PRRC2A: variants seen among roughly 807,000 people sequenced by gnomAD.
The protein encoded by PRRC2A is protein PRRC2A.
PRRC2A carries 59 observed loss-of-function variants against 224.6 expected under a neutral mutation model. The ratio of observed to expected loss-of-function variants is 0.26; its 90% CI spans 0.21 to 0.33. The LOEUF (loss-of-function observed/expected upper bound fraction) is 0.33. Ranked by LOEUF, PRRC2A falls within the 10% of genes least tolerant of loss-of-function variation. PRRC2A has a pLI of 1.00. For synonymous variants in PRRC2A, 1,194 were observed against 1,109.5 expected, an observed-to-expected ratio of 1.08 and a Z score of -1.51; for missense variants, 3,095 against 2,880.7, an observed-to-expected ratio of 1.07 and a Z score of -1.70.
intron 18 of PRRC2A, 63 bp from the exon 19 acceptor site, chr6:31,634,173 G>A: frequency 6.4e-7 from 1 of 1,572,670 alleles, no homozygotes; most frequent in Non-Finnish European, 8.6e-7. Flanking sequence ...CTCTGTCCTG[G>A]CTTCCTATAA....
chr6:31,631,498 C>T lies in PRRC2A; in HGVS notation c.2825C>T (p.Pro942Leu). The change falls in exon 16 of 31, where the codon CCA (proline) becomes CTA (leucine). Residue 942 changes from proline to leucine, a missense_variant. By Grantham distance (98) the Pro-to-Leu change is moderately conservative. Transcript: ENST00000376033. This position sits in a 1 kb window ranked among gnomAD's most constrained non-coding sequence, Gnocchi z 4.5. Reference protein sequence around the residue: ...SSRRGIPPEEPGAPPRRAGPI... With the variant: ...SSRRGIPPEELGAPPRRAGPI... ...CGTCGTGGAATCCCTCCAGAGGAGC[C>T]AGGGGCCCCACCCCGCCGGGCTGGG... 3.1e-6 allele frequency: 5 copies of T among 1,604,994 alleles called. No individual in the cohort carries two copies. The highest frequency in any genetic ancestry group is 4.2e-6 in the Non-Finnish European group (5 of 1,177,340).
At position 31,636,606 on chromosome 6, in the gene PRRC2A, C is replaced by A; in HGVS notation, c.5932C>A (p.Gln1978Lys). The A allele has an allele frequency of 6.3e-7, 1 of 1,599,452 alleles. No individual in the cohort carries two copies. The highest frequency in any genetic ancestry group is 1.7e-5 in the Admixed American group (1 of 58,570). Residue 1978 changes from glutamine (Q) to lysine (K), a missense_variant and splice_region_variant, in exon 27 of 31, where the codon CAG becomes AAG. This residue lies in a region of PRRC2A where 662 missense variants were observed against 609.5 expected (regional missense o/e 1.09). Coordinates refer to ENST00000376033, the MANE Select transcript of PRRC2A (RefSeq NM_004638.4). This position sits in a 1 kb window ranked among gnomAD's most constrained non-coding sequence, Gnocchi z 4.3. ...TCTCCCTTCAGGGGCTCCTGCCCAG[C>A]AGGTATATTGTATCTTCACACTTCC... Reference protein sequence around the residue: ...GFLPSGAPAQQMLLPMVDSQL... With the variant: ...GFLPSGAPAQKMLLPMVDSQL...
chr6:31,627,878 G>C lies in PRRC2A; in HGVS notation c.1404G>C (p.Arg468=). 1 of 1,613,058 alleles carries C rather than the reference G, an allele frequency of 6.2e-7. No homozygotes were observed. The highest frequency in any genetic ancestry group is 2.2e-5 in the East Asian group (1 of 44,894). ...SEISLAVERA[R]RRREEEERRM... ...TTTCCCTGGCAGTGGAGCGGGCCCG[G>C]CGACGGCGAGAAGAAGAGGAGCGGC... Residue 468 remains arginine, a synonymous_variant, in exon 12 of 31, where the codon CGG becomes CGC. Transcript: ENST00000376033. The surrounding 1 kb of genome is among the most constrained non-coding windows in gnomAD (Gnocchi z 5.6).
rs774282636 is a variant in PRRC2A, at chr6:31,632,948, A to C, written c.4275A>C (p.Pro1425=). The change falls in exon 16 of 31, where the codon CCA becomes CCC. Residue 1425 remains proline, a synonymous_variant. Coordinates refer to ENST00000376033, the MANE Select transcript of PRRC2A (RefSeq NM_004638.4). The part of the protein sequence containing the change: ...GGGGPGGRTG[P]GRGDKRSWPS... Reference sequence around the variant, plus strand: ...GGGGTCCTGGAGGAAGGACCGGGCCAGGACGAGGCGACAAGAGGAGCTGGC... The same window carrying C: ...GGGGTCCTGGAGGAAGGACCGGGCCCGGACGAGGCGACAAGAGGAGCTGGC... 3 of 1,606,476 alleles carry C rather than the reference A, an allele frequency of 1.9e-6. No individual in the cohort carries two copies. The highest frequency in any genetic ancestry group is 2.6e-6 in the Non-Finnish European group (3 of 1,175,822).
Position 31,632,240 on chromosome 6 carries a change from C to G in PRRC2A, c.3567C>G (p.Ala1189=). The change falls in exon 16 of 31, where the codon GCC becomes GCG. Residue 1189 remains alanine, a synonymous_variant. Coordinates refer to ENST00000376033, the MANE Select transcript of PRRC2A (RefSeq NM_004638.4). ...TTTGCCCAGGCTGGAGCCCTCCAGCCAAGTCTCTGGCTCCCAAGAAACCTC... is the reference window on the plus strand; with the variant it reads ...TTTGCCCAGGCTGGAGCCCTCCAGCGAAGTCTCTGGCTCCCAAGAAACCTC... ...PQVCPGWSPP[A]KSLAPKKPPT... is the part of the protein sequence containing the mutation. 6.2e-7 allele frequency: 1 copy of G among 1,612,858 alleles called. No homozygotes were observed. Among genetic ancestry groups the G allele is most frequent in the Middle Eastern group, 1.7e-4 (1 of 6,058 alleles).
chr6:31,635,939 C>T (rs758316149), intron 24 of PRRC2A, 28 bp from the exon 25 acceptor site: 3 of 1,565,476 alleles, frequency 1.9e-6, no homozygotes, highest in Non-Finnish European at 2.6e-6. Flanking sequence ...GATACTAAAG[C>T]TGTTTCAACC....
intron 2 of PRRC2A, chr6:31,623,221 T>C (rs761581587): frequency 1.2e-5 from 8 of 656,938 alleles, no homozygotes; most frequent in Non-Finnish European, 2.3e-5. Flanking sequence ...AAGTATTGAA[T>C]GTTACATATC....
Position 31,627,011 on chromosome 6 carries a change from A to G in PRRC2A, c.1103A>G (p.Glu368Gly). 2 of 1,614,118 alleles carry G rather than the reference A, an allele frequency of 1.2e-6. No homozygotes were observed. Residue 368 changes from glutamate (E) to glycine (G), a missense_variant, in exon 11 of 31, where the codon GAA becomes GGA. This residue lies in a region of PRRC2A where 2,001 missense variants were observed against 1,764.9 expected (regional missense o/e 1.13). Transcript: ENST00000376033. This position sits in a 1 kb window ranked among gnomAD's most constrained non-coding sequence, Gnocchi z 5.6. ...GATTCCCAATCAGCTTCTGGTGAGG[A>G]ACGGCCCCCTGAAGCAGATGGCAAA... is the stretch of plus-strand genomic sequence containing the variant. The part of the protein sequence containing the change: ...HRDSQSASGE[E>G]RPPEADGKKG...
chr6:31,632,795 C>T lies in PRRC2A; in HGVS notation c.4122C>T (p.Ser1374=). 2 of 1,613,072 alleles carry T rather than the reference C, an allele frequency of 1.2e-6. No individual in the cohort carries two copies. Among genetic ancestry groups the T allele is most frequent in the Non-Finnish European group, 1.7e-6 (2 of 1,180,004 alleles). The change falls in exon 16 of 31, where the codon AGC becomes AGT. Residue 1374 remains serine, a synonymous_variant. Transcript: ENST00000376033. The stretch of plus-strand genomic sequence containing the variant: ...CAGCCATGTCCCGCGGAGATCTGAG[C>T]CAGAGAGCCAAGGATTTGAGTAAAC... ...GISAMSRGDL[S]QRAKDLSKRS... is the part of the protein sequence containing the mutation.
chr6:31,637,250 A>C lies in PRRC2A; in HGVS notation c.6259A>C (p.Asn2087His). Residue 2087 changes from asparagine (N) to histidine (H), a missense_variant, in exon 30 of 31, where the codon AAT (asparagine) becomes CAT (histidine). This residue lies in a region of PRRC2A where 662 missense variants were observed against 609.5 expected (regional missense o/e 1.09). Coordinates refer to ENST00000376033, the MANE Select transcript of PRRC2A (RefSeq NM_004638.4). ...PPTGRSFSGL[N>H]SRLKATPSTY... The stretch of plus-strand genomic sequence containing the variant: ...TTCCCTTAGGTCCTTCTCTGGCCTC[A>C]ATTCCCGTCTCAAGGCCACGCCTTC... The C allele has an allele frequency of 6.2e-7, 1 of 1,611,966 alleles. No individual in the cohort carries two copies. Among genetic ancestry groups the C allele is most frequent in the Non-Finnish European group, 8.5e-7 (1 of 1,179,076 alleles).
intron 1 of PRRC2A, 60 bp downstream of exon 1, chr6:31,620,918 T>TGGCGGTGGCGGCGGC (rs1775187443): frequency 6.4e-6 from 1 of 155,580 alleles, no homozygotes; most frequent in African/African-American, 2.4e-5. Flanking sequence ...GTGGTGGCGG[T>TGGCGGTGGCGGCGGC]GGCGGTGGCG....
At chr6:31,626,670 G>A in intron 9 of PRRC2A, 102 bp from the exon 10 acceptor site, 1 of 1,019,078 alleles carries the variant, frequency 9.8e-7, no homozygotes, top group Non-Finnish European at 1.5e-6. Context: ...TCGGAGGGAA[G>A]GATATTGGCA....
In PRRC2A at chr6:31,620,776, G is replaced by GCCGCCATCCTCCC. The variant is rs1270894429; in HGVS notation, c.-177_-165dup. 1 of 151,966 alleles carries GCCGCCATCCTCCC rather than the reference G, an allele frequency of 6.6e-6. No individual in the cohort carries two copies. Among genetic ancestry groups the GCCGCCATCCTCCC allele is most frequent in the Non-Finnish European group, 1.5e-5 (1 of 68,012 alleles). 9.4% of individuals were successfully genotyped at this position (151,966 alleles called of 1,614,324 possible). On this transcript the variant is annotated 5_prime_UTR_variant, in exon 1 of 31. Transcript: ENST00000376033. ...GGAGGAGCCGAACCCGGCGCCATCC[G>GCCGCCATCCTCCC]CCGCCATCCTCCCCCGCCCCACCGC...
chr6:31,625,327 C>G lies in PRRC2A; in HGVS notation c.607+13C>G. 1 of 1,614,050 alleles carries G rather than the reference C, an allele frequency of 6.2e-7. No homozygotes were observed. ...CTCCGCCCCCAAAGTGAGTGGCTGCCTTTTGGCCAAGACATTACCTATTGC... is the reference window on the plus strand; with the variant it reads ...CTCCGCCCCCAAAGTGAGTGGCTGCGTTTTGGCCAAGACATTACCTATTGC... On this transcript the variant is annotated intron_variant, in intron 6 of 30. Transcript: ENST00000376033. This position sits in a 1 kb window ranked among gnomAD's most constrained non-coding sequence, Gnocchi z 4.1.
rs1158622590 is a variant in PRRC2A at position 31,629,808 on chromosome 6, C to T, written c.2217C>T (p.Pro739=). 2 of 1,613,758 alleles carry T rather than the reference C, an allele frequency of 1.2e-6. No homozygotes were observed. Among genetic ancestry groups the T allele is most frequent in the Admixed American group, 1.7e-5 (1 of 60,002 alleles). Reference sequence around the variant, plus strand: ...ACCCCCGGCTCCTCCAGGGTCGTCCCCCTCTAGACTTCTACCCTCCTGGTG... The same window carrying T: ...ACCCCCGGCTCCTCCAGGGTCGTCCTCCTCTAGACTTCTACCCTCCTGGTG... ...YVDPRLLQGR[P]PLDFYPPGVH... is the part of the protein sequence containing the mutation. Residue 739 remains proline, a synonymous_variant, in exon 14 of 31, where the codon CCC becomes CCT. Coordinates refer to ENST00000376033, the MANE Select transcript of PRRC2A (RefSeq NM_004638.4).
chr6:31,628,538 T>C, intron 12 of PRRC2A: 1 of 463,754 alleles, frequency 2.2e-6, no homozygotes, highest in Non-Finnish European at 3.7e-6. Flanking sequence ...GAGACCAGCC[T>C]GGGCAACAAA....
At position 31,635,805 on chromosome 6, in the gene PRRC2A, CTGGT is replaced by C. The variant is rs1777268772; in HGVS notation, c.5541+57_5541+60del. 23 of 1,521,978 alleles carry C rather than the reference CTGGT, an allele frequency of 1.5e-5. No individual in the cohort carries two copies. In the South Asian group the frequency reaches 2.8e-4, roughly 19 times the overall value. 94.3% of individuals were successfully genotyped at this position (1,521,978 alleles called of 1,614,324 possible). A position where few individuals can be genotyped will look rare whatever the true frequency, so the allele number is the denominator to read the frequency against. On this transcript the variant is annotated intron_variant, in intron 24 of 30. Coordinates refer to ENST00000376033, the MANE Select transcript of PRRC2A (RefSeq NM_004638.4). ...TCAGTGAATAATAATTTTTTTCTGCCTGGTATGTATTTATAATCAAGCCTTTCTA... is the reference window on the plus strand; with the variant it reads ...TCAGTGAATAATAATTTTTTTCTGCCATGTATTTATAATCAAGCCTTTCTA...
chr6:31,623,092 G>C (rs770068975), intron 2 of PRRC2A, 191 bp downstream of exon 2: 7 of 763,044 alleles, frequency 9.2e-6, no homozygotes, highest in Non-Finnish European at 1.7e-5. Flanking sequence ...TCCTACAAAG[G>C]CGTGTCTGTG....
chr6:31,622,298 A>G (rs1775378700), intron 1 of PRRC2A, among the ~76,000 whole-genome samples: 1 of 152,198 alleles, frequency 6.6e-6, no homozygotes, highest in African/African-American at 2.4e-5. Context: ...CAGGGAATCT[A>G]AAGTGTTGTT....
Sources: gnomAD v4.1 joint callset for allele counts (sites outside exome capture counted in the v4.1 genomes callset) on GRCh38, gnomAD v4.1.1 for gene constraint, gnomAD v4.1.1 regional missense constraint, Gnocchi (gnomAD v3.1) non-coding constraint, MANE v1.5 for transcripts, NCBI Gene and HGNC (gene_info 2026-07-23, HGNC 2026-07-21) for gene names.